RABEP2: variants seen among roughly 807,000 people sequenced by gnomAD.
RABEP2 encodes the protein rab GTPase-binding effector protein 2.
In RABEP2, 57 loss-of-function variants were observed where a neutral mutation model predicts 74.1. The observed-to-expected ratio is 0.77, with a 90% CI of 0.62 to 0.96. RABEP2 has a LOEUF of 0.96. Among genes scored for constraint, RABEP2 ranks in the 40% least tolerant of loss-of-function variants. RABEP2 has a pLI of 0.00. For missense variants in RABEP2, 692 were observed against 756.3 expected (o/e 0.91, Z 1.00); for synonymous variants, 351 against 344.0 (o/e 1.02, Z -0.23).
chr16:28,922,973 A>G (rs1294095302), intron 2 of RABEP2, among the ~76,000 whole-genome samples: 2 of 152,154 alleles, frequency 1.3e-5, no homozygotes, highest in African/African-American at 4.8e-5. Context: ...GACCTTGGGC[A>G]AGTTATTTAA....
In RABEP2 at chr16:28,914,496, C is replaced by A. The variant is rs780052455; in HGVS notation, c.634G>T (p.Glu212Ter). The change falls in exon 5 of 13, where the codon GAG becomes TAG. Residue 212 changes from glutamate (E) to a stop codon, truncating the protein, a stop_gained. Transcript: ENST00000358201. LOFTEE classifies it high-confidence loss of function. Reference protein sequence around the residue: ...DPSPPLEPLEELSGDGGPAAE... With the variant: ...DPSPPLEPLE ...GCTGGACCCCCATCTCCGCTCAGCTCCTCCAGAGGCTCCAGCGGGGGCGAT... is the reference window on the plus strand; with the variant it reads ...GCTGGACCCCCATCTCCGCTCAGCTACTCCAGAGGCTCCAGCGGGGGCGAT... 7.4e-6 allele frequency: 12 copies of A among 1,613,222 alleles called. No individual in the cohort carries two copies. In the Admixed American group the frequency reaches 1.3e-4, roughly 18 times the overall value.
chr16:28,908,363 C>A (rs1284280321), intron 8 of RABEP2, among the ~76,000 whole-genome samples: 2 of 152,222 alleles, frequency 1.3e-5, no homozygotes, highest in Non-Finnish European at 2.9e-5. Context: ...TTAAAAATAG[C>A]AAACCAACCA....
intron 2 of RABEP2, among the ~76,000 whole-genome samples, chr16:28,923,346 G>A (rs577129836): frequency 1.2e-3 from 180 of 152,168 alleles, no homozygotes; most frequent in African/African-American, 4.0e-3. Context: ...AGGAGGTGGA[G>A]GTTGCAGTGA....
intron 1 of RABEP2, 90 bp from the exon 2 acceptor site, chr16:28,924,705 T>C: frequency 8.3e-7 from 1 of 1,208,326 alleles, no homozygotes; most frequent in Non-Finnish European, 1.2e-6. Context: ...TACTGTTGCC[T>C]TCATCTGGGG....
chr16:28,919,746 C>A, intron 3 of RABEP2, 40 bp downstream of exon 3: 1 of 1,574,670 alleles, frequency 6.4e-7, no homozygotes, highest in East Asian at 2.3e-5. Flanking sequence ...CAACATTCTT[C>A]CAAATCCCAG....
chr16:28,905,115 C>G, intron 12 of RABEP2, 71 bp from the exon 13 acceptor site: 17 of 1,352,400 alleles, frequency 1.3e-5, no homozygotes, highest in Non-Finnish European at 1.7e-5. Context: ...CTGCCAGCCC[C>G]CAAGGGCGGG....
At chr16:28,911,027 C>CAGGG (rs1289159075) in intron 6 of RABEP2, 41 bp from the exon 7 acceptor site, 1 of 1,609,818 alleles carries the variant, frequency 6.2e-7, no homozygotes, top group East Asian at 2.2e-5. Context: ...AAGGGCATGT[C>CAGGG]AGGGGGCGGC....
Position 28,904,939 on chromosome 16 carries a change from C to T in RABEP2, c.*4G>A. ...CAGGGTGGGGGTGGGGATATCCTGACCCCTCAGGTGTCCTTGATGTCCCTG... is the reference window on the plus strand; with the variant it reads ...CAGGGTGGGGGTGGGGATATCCTGATCCCTCAGGTGTCCTTGATGTCCCTG... On this transcript the variant is annotated 3_prime_UTR_variant, in exon 13 of 13. Transcript: ENST00000358201. The T allele has an allele frequency of 6.2e-7, 1 of 1,606,050 alleles. No homozygotes were observed. Among genetic ancestry groups the T allele is most frequent in the South Asian group, 1.1e-5 (1 of 90,876 alleles).
At chr16:28,915,636 C>T (rs938103224) in intron 3 of RABEP2, among the ~76,000 whole-genome samples, 1 of 152,110 alleles carries the variant, frequency 6.6e-6, no homozygotes, top group African/African-American at 2.4e-5. Context: ...CCTCCGCCTC[C>T]TGGGTTCAAG....
intron 7 of RABEP2, among the ~76,000 whole-genome samples, chr16:28,909,871 A>C (rs1405474907): frequency 3.3e-5 from 5 of 151,806 alleles, no homozygotes; most frequent in African/African-American, 1.2e-4. Flanking sequence ...AAAAATACAA[A>C]AAAAAATATT....
At chr16:28,919,585 G>A (rs1964441165) in intron 3 of RABEP2, 12 of 440,152 alleles carry the variant, frequency 2.7e-5, no homozygotes, top group Admixed American at 8.4e-5. Flanking sequence ...GGAGCTAAGC[G>A]AACTTGGTCA....
chr16:28,911,670 A>G (rs955077268), intron 5 of RABEP2, among the ~76,000 whole-genome samples: 1 of 151,106 alleles, frequency 6.6e-6, no homozygotes, highest in Admixed American at 6.6e-5. Context: ...AAAAAAAAAA[A>G]AACAGGGCCA....
intron 2 of RABEP2, 175 bp downstream of exon 2, chr16:28,924,228 G>C: frequency 8.2e-6 from 5 of 611,980 alleles, no homozygotes; most frequent in Non-Finnish European, 1.2e-5. Context: ...CTATCACATG[G>C]AGGGCCTCTA....
At chr16:28,924,712 G>A in intron 1 of RABEP2, 97 bp from the exon 2 acceptor site, 5 of 1,158,824 alleles carry the variant, frequency 4.3e-6, no homozygotes, top group South Asian at 2.6e-5. Flanking sequence ...GCCTTCATCT[G>A]GGGCCTCCTT....
intron 1 of RABEP2, chr16:28,924,897 C>T (rs1210483258): frequency 6.4e-6 from 5 of 784,408 alleles, no homozygotes; most frequent in African/African-American, 1.7e-5. Flanking sequence ...CACCGGGCCC[C>T]ACTTCGCACC....
At chr16:28,905,186 C>T (rs1286386370) in intron 12 of RABEP2, 142 bp from the exon 13 acceptor site, 8 of 722,940 alleles carry the variant, frequency 1.1e-5, no homozygotes, top group East Asian at 5.4e-5. Flanking sequence ...ATGCCCTGAG[C>T]GTCCACCATG....
chr16:28,905,460 C>T lies in RABEP2; in HGVS notation c.1545G>A (p.Gln515=), dbSNP rs1964211812. Residue 515 remains glutamine (Q), a synonymous_variant, in exon 12 of 13, where the codon CAG becomes CAA. Transcript: ENST00000358201. ...SEQRAKVLRL[Q]AELETSEQVQ... ...CCTGCTCACTGGTCTCCAGCTCTGCCTGCAGCCGCAGCACCTTGGCCCTCT... is the reference window on the plus strand; with the variant it reads ...CCTGCTCACTGGTCTCCAGCTCTGCTTGCAGCCGCAGCACCTTGGCCCTCT... The T allele has an allele frequency of 6.2e-7, 1 of 1,608,682 alleles. No individual in the cohort carries two copies. The highest frequency in any genetic ancestry group is 2.2e-5 in the East Asian group (1 of 44,748).
At chr16:28,905,073 G>A in intron 12 of RABEP2, 29 bp from the exon 13 acceptor site, 1 of 1,566,990 alleles carries the variant, frequency 6.4e-7, no homozygotes, top group Non-Finnish European at 8.7e-7. Flanking sequence ...GGAGCAGAGT[G>A]CACTTGTGGG....
chr16:28,919,054 C>T (rs1414999340), intron 3 of RABEP2, among the ~76,000 whole-genome samples: 1 of 152,202 alleles, frequency 6.6e-6, no homozygotes, highest in Non-Finnish European at 1.5e-5. Flanking sequence ...TTCCCTGAGC[C>T]TTATCGTACT....
Sources: allele counts gnomAD v4.1 joint callset (sites outside exome capture counted in the v4.1 genomes callset), GRCh38; gene constraint gnomAD v4.1.1; transcripts MANE v1.5; gene names NCBI Gene and HGNC (gene_info 2026-07-23, HGNC 2026-07-21).